ZNF609: variants seen among roughly 807,000 people sequenced by gnomAD.
ZNF609 encodes the protein zinc finger protein 609.
ZNF609 carries 11 observed loss-of-function variants against 109.5 expected under a neutral mutation model. The ratio of observed to expected loss-of-function variants is 0.10; its 90% CI spans 0.06 to 0.17. The LOEUF (loss-of-function observed/expected upper bound fraction) is 0.17, where lower values mean the gene tolerates loss of function less well. ZNF609 is among the 10% of genes least tolerant of loss of function. The pLI, the probability that ZNF609 is intolerant of heterozygous loss-of-function variation, is 1.00. For synonymous variants in ZNF609, 646 were observed against 662.0 expected (o/e 0.98, Z 0.37); for missense variants, 1,559 against 1,772.4 (o/e 0.88, Z 2.16).
At chr15:64,538,587 C>A (rs886553219) in intron 2 of ZNF609, among the ~76,000 whole-genome samples, 4 of 152,194 alleles carry the variant, frequency 2.6e-5, no homozygotes, top group African/African-American at 9.6e-5. Flanking sequence ...ACTCTTGTTG[C>A]ACAGGCTGGG....
intron 1 of ZNF609, among the ~76,000 whole-genome samples, chr15:64,486,352 C>T (rs1049509356): frequency 6.6e-6 from 1 of 152,116 alleles, no homozygotes; most frequent in South Asian, 2.1e-4. Flanking sequence ...AGTGAAACCC[C>T]GTCTCTACTA....
intron 2 of ZNF609, among the ~76,000 whole-genome samples, chr15:64,517,177 A>G (rs980904803): frequency 6.6e-6 from 1 of 152,126 alleles, no homozygotes; most frequent in Non-Finnish European, 1.5e-5. Flanking sequence ...GGAGTTCAAG[A>G]CCAGCCTGGT....
At chr15:64,530,718 T>G (rs563316750) in intron 2 of ZNF609, among the ~76,000 whole-genome samples, 24 of 152,346 alleles carry the variant, frequency 1.6e-4, no homozygotes, top group African/African-American at 4.8e-4. Context: ...TTAATGGGAT[T>G]TGAGTAACTG....
intron 2 of ZNF609, among the ~76,000 whole-genome samples, chr15:64,591,726 T>A (rs1202579256): frequency 2.0e-5 from 3 of 147,884 alleles, no homozygotes; most frequent in Non-Finnish European, 4.5e-5. Flanking sequence ...TAAAAATAAT[T>A]TTTTTTTTTT....
intron 3 of ZNF609, among the ~76,000 whole-genome samples, chr15:64,634,769 A>T (rs1896147773): frequency 6.6e-6 from 1 of 152,188 alleles, no homozygotes; most frequent in African/African-American, 2.4e-5. Flanking sequence ...ACAGTCATAA[A>T]GAGCCTAGCA....
chr15:64,566,948 A>G (rs1210056187), intron 2 of ZNF609, among the ~76,000 whole-genome samples: 1 of 152,182 alleles, frequency 6.6e-6, no homozygotes, highest in Non-Finnish European at 1.5e-5. Flanking sequence ...TAAGCTGCTG[A>G]CAGGACAGAA....
At chr15:64,543,255 C>CTTTTTTT (rs77646116) in intron 2 of ZNF609, among the ~76,000 whole-genome samples, 29 of 113,260 alleles carry the variant, frequency 2.6e-4, no homozygotes, top group Middle Eastern at 5.3e-3. Flanking sequence ...TTTGTTGTTG[C>CTTTTTTT]TTTTTTTTTT....
chr15:64,604,449 A>G (rs1192121744), intron 2 of ZNF609, among the ~76,000 whole-genome samples: 1 of 152,174 alleles, frequency 6.6e-6, no homozygotes, highest in Non-Finnish European at 1.5e-5. Context: ...CAGTTGGGTG[A>G]TTTTATAGCT....
chr15:64,612,043 C>G (rs1174051173), intron 2 of ZNF609, among the ~76,000 whole-genome samples: 1 of 150,414 alleles, frequency 6.6e-6, no homozygotes, highest in African/African-American at 2.4e-5. Context: ...CCTGTACTTG[C>G]ATTTTCTAGT....
chr15:64,580,106 A>T (rs1248834026), intron 2 of ZNF609, among the ~76,000 whole-genome samples: 1 of 152,188 alleles, frequency 6.6e-6, no homozygotes, highest in Non-Finnish European at 1.5e-5. Context: ...AGAGGGCAAG[A>T]GAGTCAGAGT....
chr15:64,476,951 C>T (rs1047723314), intron 1 of ZNF609, among the ~76,000 whole-genome samples: 3 of 151,942 alleles, frequency 2.0e-5, no homozygotes, highest in African/African-American at 7.3e-5. Context: ...ATGCGCCTGG[C>T]CTAAAGCGTG....
At chr15:64,662,702 G>C (rs1896596705) in intron 3 of ZNF609, among the ~76,000 whole-genome samples, 1 of 151,548 alleles carries the variant, frequency 6.6e-6, no homozygotes, top group African/African-American at 2.4e-5. Flanking sequence ...GTCTCTTTCT[G>C]TTGCCCAGAC....
chr15:64,515,708 A>G (rs1364639125), intron 2 of ZNF609, among the ~76,000 whole-genome samples: 1 of 152,118 alleles, frequency 6.6e-6, no homozygotes, highest in Non-Finnish European at 1.5e-5. Flanking sequence ...AGGCCGAGGC[A>G]GGCGAATAAC....
intron 2 of ZNF609, among the ~76,000 whole-genome samples, chr15:64,595,201 A>T (rs1025191042): frequency 6.6e-6 from 1 of 151,192 alleles, no homozygotes; most frequent in African/African-American, 2.4e-5. Flanking sequence ...CTCTACTAAA[A>T]ATACCAAAAA....
intron 2 of ZNF609, among the ~76,000 whole-genome samples, chr15:64,586,569 A>C (rs1020014050): frequency 6.6e-6 from 1 of 152,166 alleles, no homozygotes; most frequent in African/African-American, 2.4e-5. Flanking sequence ...GACCTAAGTC[A>C]TGCGTTCCTT....
intron 1 of ZNF609, among the ~76,000 whole-genome samples, chr15:64,497,596 A>G (rs528841476): frequency 3.7e-4 from 56 of 152,192 alleles, no homozygotes; most frequent in Admixed American, 9.8e-4. Context: ...TTTCTACTCA[A>G]TTACCTTATA....
At chr15:64,632,613 C>T (rs1385843655) in intron 3 of ZNF609, among the ~76,000 whole-genome samples, 8 of 152,000 alleles carry the variant, frequency 5.3e-5, no homozygotes, top group Non-Finnish European at 1.2e-4. Context: ...TCCCAAGTAG[C>T]TGGAATCACA....
chr15:64,549,262 C>T (rs1478884229), intron 2 of ZNF609, among the ~76,000 whole-genome samples: 1 of 152,120 alleles, frequency 6.6e-6, no homozygotes, highest in Non-Finnish European at 1.5e-5. Flanking sequence ...GCAATCTTGG[C>T]TTACCACAAC....
At chr15:64,484,144 T>G (rs1893297551) in intron 1 of ZNF609, among the ~76,000 whole-genome samples, 1 of 152,126 alleles carries the variant, frequency 6.6e-6, no homozygotes, top group African/African-American at 2.4e-5. Flanking sequence ...ATTCATCTTA[T>G]TTGACATTTT....
Sources: gnomAD v4.1 joint callset for allele counts (sites outside exome capture counted in the v4.1 genomes callset) on GRCh38, gnomAD v4.1.1 for gene constraint, MANE v1.5 for transcripts, NCBI Gene and HGNC (gene_info 2026-07-23, HGNC 2026-07-21) for gene names.